Variants in ARHGAP11B observed in about 807,000 individuals in gnomAD.
ARHGAP11B encodes Rho GTPase activating protein 11B.
A neutral mutation model predicts 27.6 loss-of-function variants in ARHGAP11B; 14 were observed. That is an observed-to-expected ratio of 0.51 (90% CI 0.34 to 0.79). The LOEUF (loss-of-function observed/expected upper bound fraction) is 0.79. Among genes scored for constraint, ARHGAP11B ranks in the 30% least tolerant of loss-of-function variants. The pLI is 0.02. For missense variants in ARHGAP11B, 245 were observed against 320.1 expected (o/e 0.77, Z 1.79); for synonymous variants, 82 against 114.1 (o/e 0.72, Z 1.80).
exon 1 of ARHGAP11B, chr15:30,626,518 A>G (rs1214516375): frequency 1.2e-5 from 5 of 414,130 alleles, no homozygotes; most frequent in Admixed American, 4.0e-5. Context: ...AAAGAATCAG[A>G]AAGAAGTCTA....
Position 30,634,979 on chromosome 15 carries a change from A to G in ARHGAP11B, c.552-101A>G. The G allele has an allele frequency of 3.0e-6, 4 of 1,342,772 alleles. No individual in the cohort carries two copies. The South Asian group carries it at 3.8e-5, about 13-fold the overall frequency. The allele number at this position is 1,342,772 out of a possible 1,614,324, so 83.2% of individuals were successfully genotyped here. The stretch of plus-strand genomic sequence containing the variant: ...GAAGGGTAACTATTTTGACTTGTGT[A>G]TGACTGATAATAAAGTCTTCAAAAT... On this transcript the variant is annotated intron_variant, in intron 4 of 10. Coordinates refer to ENST00000428041, the Ensembl canonical transcript of ARHGAP11B.
At chr15:30,646,577 C>T (rs2060349558) in intron 9 of ARHGAP11B, among the ~76,000 whole-genome samples, 1 of 151,534 alleles carries the variant, frequency 6.6e-6, no homozygotes, top group Non-Finnish European at 1.5e-5. Flanking sequence ...AGGAAAATGG[C>T]GTGAACCCCA....
intron 1 of ARHGAP11B, among the ~76,000 whole-genome samples, chr15:30,629,316 G>C (rs1290756335): frequency 6.6e-6 from 1 of 151,958 alleles, no homozygotes; most frequent in African/African-American, 2.4e-5. Flanking sequence ...GGCCGAGGAG[G>C]GTGGATCACG....
intron 7 of ARHGAP11B, among the ~76,000 whole-genome samples, chr15:30,644,048 A>G (rs1053943698): frequency 6.6e-6 from 1 of 151,680 alleles, no homozygotes; most frequent in African/African-American, 2.4e-5. Context: ...ACCTCAACCC[A>G]CCTTATACCT....
At chr15:30,642,095 C>A (rs1483452227) in intron 7 of ARHGAP11B, among the ~76,000 whole-genome samples, 1 of 151,902 alleles carries the variant, frequency 6.6e-6, no homozygotes, top group Non-Finnish European at 1.5e-5. Flanking sequence ...TATTGGCTTC[C>A]AAAATTTTCT....
At chr15:30,648,287 G>T (rs770610788) in intron 10 of ARHGAP11B, among the ~76,000 whole-genome samples, 10 of 152,024 alleles carry the variant, frequency 6.6e-5, no homozygotes, top group Non-Finnish European at 1.0e-4. Flanking sequence ...GGAAGGAAGT[G>T]TCCTTACTTT....
intron 2 of ARHGAP11B, among the ~76,000 whole-genome samples, chr15:30,631,617 T>C (rs1055748843): frequency 1.1e-4 from 17 of 152,224 alleles, no homozygotes; most frequent in African/African-American, 3.9e-4. Context: ...CAGTGAGCTA[T>C]GCTCATTGCC....
At chr15:30,644,395 A>G (rs1163530662) in intron 7 of ARHGAP11B, among the ~76,000 whole-genome samples, 2 of 152,054 alleles carry the variant, frequency 1.3e-5, no homozygotes, top group African/African-American at 4.8e-5. Context: ...AAGCCAAGAT[A>G]GGGGTGAATT....
intron 9 of ARHGAP11B, among the ~76,000 whole-genome samples, chr15:30,646,712 G>C (rs1025558098): frequency 6.0e-5 from 9 of 150,828 alleles, no homozygotes; most frequent in African/African-American, 2.2e-4. Context: ...GCTCATGCCT[G>C]TAATCCCAGC....
exon 6 of ARHGAP11B, chr15:30,635,502 T>C: frequency 6.2e-7 from 1 of 1,613,396 alleles, no homozygotes; most frequent in South Asian, 1.1e-5. Context: ...GTACCAGACT[T>C]TATCCTGGAA....
chr15:30,644,543 T>G, intron 7 of ARHGAP11B: 1 of 680,766 alleles, frequency 1.5e-6, no homozygotes, highest in East Asian at 2.6e-5. Flanking sequence ...ATTCTTTTTT[T>G]GTCCTCATTG....
At chr15:30,638,408 T>G (rs535069652) in intron 6 of ARHGAP11B, among the ~76,000 whole-genome samples, 20 of 151,902 alleles carry the variant, frequency 1.3e-4, no homozygotes, top group African/African-American at 4.6e-4. Flanking sequence ...CGTGCCTCCA[T>G]TTCCATGGTT....
chr15:30,626,834 G>A (rs781140366), exon 1 of ARHGAP11B: 3 of 1,613,602 alleles, frequency 1.9e-6, no homozygotes, highest in African/African-American at 1.3e-5. Flanking sequence ...TGGGATCAGA[G>A]GCTGGTGAAG....
At chr15:30,631,239 A>G (rs933782355) in intron 2 of ARHGAP11B, among the ~76,000 whole-genome samples, 3 of 151,810 alleles carry the variant, frequency 2.0e-5, no homozygotes, top group Non-Finnish European at 4.4e-5. Flanking sequence ...AGTAAATGTT[A>G]GAAATCACAA....
At chr15:30,626,601 G>A in exon 1 of ARHGAP11B, 2 of 614,652 alleles carry the variant, frequency 3.3e-6, no homozygotes, top group Non-Finnish European at 5.5e-6. Flanking sequence ...GGTGTGGCTG[G>A]ATCAAAGGGC....
chr15:30,635,603 T>C (rs1273034625), exon 6 of ARHGAP11B: 23 of 1,613,366 alleles, frequency 1.4e-5, no homozygotes, highest in African/African-American at 2.7e-5. Flanking sequence ...TCCTGGTGAA[T>C]ATAAGAGAAA....
At chr15:30,637,787 T>C (rs189410096) in intron 6 of ARHGAP11B, among the ~76,000 whole-genome samples, 41 of 149,670 alleles carry the variant, frequency 2.7e-4, no homozygotes, top group Admixed American at 4.0e-4. Context: ...CCTCCTTGAA[T>C]CTACCCTACA....
chr15:30,644,510 GT>G lies in ARHGAP11B; in HGVS notation c.*79-124del, dbSNP rs542889132. ...AATCTGAAAAGGCATCGTTCTTATT[GT>G]TTTTGGTAACAAATTTTACACATTC... On this transcript the variant is annotated intron_variant, in intron 7 of 10. Coordinates refer to ENST00000428041, the Ensembl canonical transcript of ARHGAP11B. The G allele has an allele frequency of 1.9e-4, 105 of 567,344 alleles. 2 individuals are homozygous for G. The South Asian group carries it at 2.4e-3, about 13-fold the overall frequency. 35.1% of individuals were successfully genotyped at this position (567,344 alleles called of 1,614,324 possible). A position where few individuals can be genotyped will look rare whatever the true frequency, so the allele number is the denominator to read the frequency against.
intron 6 of ARHGAP11B, among the ~76,000 whole-genome samples, chr15:30,637,458 G>T (rs1421635232): frequency 6.6e-6 from 1 of 152,042 alleles, no homozygotes; most frequent in African/African-American, 2.4e-5. Context: ...TTCTTGGCCG[G>T]GTGCGATGGC....
Sources: gnomAD v4.1 joint callset for allele counts (sites outside exome capture counted in the v4.1 genomes callset) on GRCh38, gnomAD v4.1.1 for gene constraint, MANE v1.5 for transcripts, NCBI Gene and HGNC (gene_info 2026-07-23, HGNC 2026-07-21) for gene names.